LINGO2: variants seen among roughly 807,000 people sequenced by gnomAD.
LINGO2 encodes leucine-rich repeat and immunoglobulin-like domain-containing nogo receptor-interacting protein 2.
LINGO2 carries 14 observed loss-of-function variants against 30.6 expected under a neutral mutation model. The ratio of observed to expected loss-of-function variants is 0.46; its 90% CI spans 0.30 to 0.72. The LOEUF is 0.72. Ranked by LOEUF, LINGO2 falls within the 30% of genes least tolerant of loss-of-function variation. The probability of loss-of-function intolerance (pLI) is 0.07; values close to 1 mark genes in which losing one functional copy is unlikely to be tolerated. For synonymous variants in LINGO2, 317 were observed against 288.5 expected, an observed-to-expected ratio of 1.10 and a Z score of -1.00; for missense variants, 729 against 751.7, an observed-to-expected ratio of 0.97 and a Z score of 0.35.
At chr9:29,160,921 C>G in the LINGO2 span, among the ~76,000 whole-genome samples, 1 of 152,202 alleles carries the variant, frequency 6.6e-6, no homozygotes, top group Non-Finnish European at 1.5e-5. Flanking sequence ...GTCTCTGAGC[C>G]ACTATTGTCT....
intron 3 of LINGO2, among the ~76,000 whole-genome samples, chr9:28,324,451 T>C (rs1266111100): frequency 6.6e-6 from 1 of 152,074 alleles, no homozygotes; most frequent in Non-Finnish European, 1.5e-5. Flanking sequence ...GGTTAGACAT[T>C]CTAAATCATA....
At chr9:28,109,110 T>C (rs1028131873) in intron 4 of LINGO2, among the ~76,000 whole-genome samples, 3 of 152,172 alleles carry the variant, frequency 2.0e-5, no homozygotes, top group African/African-American at 7.2e-5. Flanking sequence ...TCAATAAACA[T>C]AATCCATCAC....
chr9:28,120,067 T>C (rs1827049857), intron 4 of LINGO2, among the ~76,000 whole-genome samples: 1 of 152,174 alleles, frequency 6.6e-6, no homozygotes, highest in Admixed American at 6.5e-5. Flanking sequence ...GAACGGCTCT[T>C]TAAAAGGTAA....
At chr9:28,351,080 AT>A (rs1819858383) in intron 3 of LINGO2, among the ~76,000 whole-genome samples, 1 of 151,948 alleles carries the variant, frequency 6.6e-6, no homozygotes, top group South Asian at 2.1e-4. Flanking sequence ...TAACATCACA[AT>A]TAAAAGAACT....
intron 4 of LINGO2, among the ~76,000 whole-genome samples, chr9:28,180,622 T>C (rs1828885085): frequency 6.6e-6 from 1 of 152,168 alleles, no homozygotes. Flanking sequence ...TGCTAACAGC[T>C]TAAAGACCAG....
At chr9:28,975,918 G>GT in the LINGO2 span, among the ~76,000 whole-genome samples, 2 of 152,172 alleles carry the variant, frequency 1.3e-5, no homozygotes, top group African/African-American at 4.8e-5. Context: ...TTAAGTAACT[G>GT]TAAGTCTTCA....
chr9:28,539,655 A>G (rs1821590071), intron 1 of LINGO2, among the ~76,000 whole-genome samples: 1 of 152,200 alleles, frequency 6.6e-6, no homozygotes, highest in African/African-American at 2.4e-5. Flanking sequence ...ACTGTTGTGT[A>G]ATATCATGCT....
At chr9:28,849,176 C>T in the LINGO2 span, among the ~76,000 whole-genome samples, 1 of 152,118 alleles carries the variant, frequency 6.6e-6, no homozygotes, top group Admixed American at 6.6e-5. Flanking sequence ...TTACGCTCTT[C>T]TTGTTTAAAA....
the LINGO2 span, among the ~76,000 whole-genome samples, chr9:28,998,925 T>C: frequency 2.0e-5 from 3 of 152,120 alleles, no homozygotes; most frequent in African/African-American, 7.2e-5. Context: ...CTTCCGTAAT[T>C]TTAGAATGTA....
intron 5 of LINGO2, among the ~76,000 whole-genome samples, chr9:27,956,610 G>A (rs1324480312): frequency 4.0e-5 from 6 of 151,832 alleles, no homozygotes; most frequent in Non-Finnish European, 8.8e-5. Flanking sequence ...AGAGCCCCTA[G>A]AGCCTATATG....
the LINGO2 span, among the ~76,000 whole-genome samples, chr9:28,927,855 T>C: frequency 6.6e-6 from 1 of 152,240 alleles, no homozygotes; most frequent in East Asian, 1.9e-4. Flanking sequence ...TCATTGAAGT[T>C]AAGTCATCTG....
At chr9:28,839,486 C>G in the LINGO2 span, among the ~76,000 whole-genome samples, 1 of 152,110 alleles carries the variant, frequency 6.6e-6, no homozygotes, top group Non-Finnish European at 1.5e-5. Flanking sequence ...CAGCTCTCAG[C>G]AGAGAGGAGA....
chr9:27,986,776 C>T (rs1327325189), intron 5 of LINGO2, among the ~76,000 whole-genome samples: 5 of 151,792 alleles, frequency 3.3e-5, no homozygotes, highest in Non-Finnish European at 5.9e-5. Flanking sequence ...AACATGGTAA[C>T]GGTCATTTGT....
At chr9:28,774,341 A>G in the LINGO2 span, among the ~76,000 whole-genome samples, 1 of 152,304 alleles carries the variant, frequency 6.6e-6, no homozygotes, top group South Asian at 2.1e-4. Flanking sequence ...GGAATGAAAT[A>G]CATGTTTTGC....
At chr9:28,861,815 G>C in the LINGO2 span, among the ~76,000 whole-genome samples, 2 of 151,680 alleles carry the variant, frequency 1.3e-5, no homozygotes, top group Admixed American at 6.6e-5. Flanking sequence ...TTGTAAACCT[G>C]TATTTATCTT....
intron 1 of LINGO2, among the ~76,000 whole-genome samples, chr9:28,668,541 A>G (rs1828890167): frequency 6.6e-6 from 1 of 151,888 alleles, no homozygotes; most frequent in African/African-American, 2.4e-5. Context: ...TTTCACTTTC[A>G]GCTGATAAAA....
intron 4 of LINGO2, among the ~76,000 whole-genome samples, chr9:28,261,494 T>C (rs1434750700): frequency 5.3e-5 from 8 of 151,956 alleles, no homozygotes; most frequent in Non-Finnish European, 1.2e-4. Context: ...AAAATCTCAC[T>C]ATAGTCAAAT....
At chr9:29,138,518 T>G in the LINGO2 span, among the ~76,000 whole-genome samples, 2 of 152,198 alleles carry the variant, frequency 1.3e-5, no homozygotes, top group African/African-American at 2.4e-5. Flanking sequence ...TTTTCTATAT[T>G]TGACATGTAT....
intron 5 of LINGO2, among the ~76,000 whole-genome samples, chr9:27,961,607 C>T (rs555395393): frequency 1.4e-4 from 22 of 152,232 alleles, no homozygotes; most frequent in South Asian, 1.2e-3. Context: ...AGAGCAATGG[C>T]AAGCCATTAA....
Sources: gnomAD v4.1 joint callset for allele counts (sites outside exome capture counted in the v4.1 genomes callset) on GRCh38, gnomAD v4.1.1 for gene constraint, MANE v1.5 for transcripts, NCBI Gene and HGNC (gene_info 2026-07-23, HGNC 2026-07-21) for gene names.